The following UBE2U variants were observed in gnomAD, a reference collection of about 807,000 sequenced individuals.
UBE2U encodes ubiquitin-conjugating enzyme E2 U.
A neutral mutation model predicts 41.2 loss-of-function variants in UBE2U; 39 were observed. The ratio of observed to expected loss-of-function variants is 0.95; its 90% CI spans 0.73 to 1.24. The LOEUF (loss-of-function observed/expected upper bound fraction) is 1.24. Ranked by LOEUF, UBE2U falls within the 50% of genes most tolerant of loss-of-function variation. UBE2U has a pLI of 0.00. For missense variants in UBE2U, 336 were observed against 363.1 expected, an observed-to-expected ratio of 0.93 and a Z score of 0.61; for synonymous variants, 107 against 117.8, an observed-to-expected ratio of 0.91 and a Z score of 0.60.
chr1:64,206,780 G>T lies in UBE2U; in HGVS notation c.165G>T (p.Leu55=), dbSNP rs1484247749. 1 of 1,596,372 alleles carries T rather than the reference G, an allele frequency of 6.3e-7. No homozygotes were observed. The highest frequency in any genetic ancestry group is 2.2e-5 in the East Asian group (1 of 44,724). The change falls in exon 3 of 10, where the codon CTG becomes CTT. Residue 55 remains leucine, a synonymous_variant. Coordinates refer to ENST00000371077, the MANE Select transcript of UBE2U (RefSeq NM_001366232.2). ...ATATTATAGGTTTAGTCTTCCAACT[G>T]ACAATACATTTTACATCGGAGTACA... is the stretch of plus-strand genomic sequence containing the variant. ...NSVWQGLVFQ[L]TIHFTSEYNY...
rs865838259 is a variant in UBE2U at position 64,203,956 on chromosome 1, A to G, written c.-95A>G. On this transcript the variant is annotated 5_prime_UTR_variant, in exon 1 of 10. Transcript: ENST00000371077. Reference sequence around the variant, plus strand: ...GAAAGCAAGTAACTTATATCAGTTTACTAAGTGTGGGAAAGTGACCCATAA... The same window carrying G: ...GAAAGCAAGTAACTTATATCAGTTTGCTAAGTGTGGGAAAGTGACCCATAA... The G allele has an allele frequency of 9.4e-7, 1 of 1,067,830 alleles. No individual in the cohort carries two copies. Among genetic ancestry groups the G allele is most frequent in the Middle Eastern group, 2.1e-4 (1 of 4,760 alleles). The allele number at this position is 1,067,830 out of a possible 1,614,324, so 66.1% of individuals were successfully genotyped here. A position where few individuals can be genotyped will look rare whatever the true frequency, so the allele number is the denominator to read the frequency against.
At chr1:64,251,122 C>T (rs1645004504) in intron 8 of UBE2U, among the ~76,000 whole-genome samples, 1 of 150,804 alleles carries the variant, frequency 6.6e-6, no homozygotes, top group Non-Finnish European at 1.5e-5. Context: ...AAAAAGAAAA[C>T]TACAGATAAA....
intron 5 of UBE2U, among the ~76,000 whole-genome samples, chr1:64,216,315 T>C (rs924006080): frequency 2.6e-5 from 4 of 152,238 alleles, no homozygotes; most frequent in African/African-American, 9.6e-5. Flanking sequence ...TACCCTTCTC[T>C]GGCTTGGTGG....
chr1:64,240,896 A>G (rs12564589), intron 7 of UBE2U, among the ~76,000 whole-genome samples: 26,175 of 151,942 alleles, frequency 0.17, 2,618 homozygotes, highest in East Asian at 0.42. Flanking sequence ...CGCCTGGCTA[A>G]TTTTTGTATT....
At chr1:64,253,287 G>C (rs537760458) in intron 8 of UBE2U, among the ~76,000 whole-genome samples, 2 of 152,280 alleles carry the variant, frequency 1.3e-5, no homozygotes, top group South Asian at 4.2e-4. Flanking sequence ...ACCTACAACT[G>C]ATTGGGGTAA....
intron 6 of UBE2U, among the ~76,000 whole-genome samples, chr1:64,229,890 T>G (rs1644520634): frequency 6.6e-6 from 1 of 152,220 alleles, no homozygotes; most frequent in Non-Finnish European, 1.5e-5. Flanking sequence ...AATCTCTTAT[T>G]TCTAATCTCA....
At chr1:64,248,805 G>A (rs1450140591) in intron 8 of UBE2U, among the ~76,000 whole-genome samples, 1 of 151,956 alleles carries the variant, frequency 6.6e-6, no homozygotes, top group Non-Finnish European at 1.5e-5. Context: ...TTTGCCCTGA[G>A]GAAAATAAAA....
chr1:64,205,497 C>A (rs1353980858), intron 1 of UBE2U, 142 bp from the exon 2 acceptor site: 4 of 658,654 alleles, frequency 6.1e-6, no homozygotes, highest in Middle Eastern at 4.3e-4. Context: ...GTAACACTTC[C>A]CCAGAGCAGC....
Position 64,210,760 on chromosome 1 carries a change from A to G in UBE2U, c.260A>G (p.Gln87Arg). ...FHPNVDPHTG[Q>R]PCIDFLDNPE... ...AATACAGTAGACCCACACACTGGTC[A>G]GCCCTGTATAGACTTTTTGGACAAC... The change falls in exon 4 of 10, where the codon CAG (glutamine) becomes CGG (arginine). Residue 87 changes from glutamine (Q) to arginine (R), a missense_variant. Gln to Arg is a conservative substitution (Grantham distance 43, BLOSUM62 1). Transcript: ENST00000371077. 1 of 1,587,810 alleles carries G rather than the reference A, an allele frequency of 6.3e-7. No individual in the cohort carries two copies. The highest frequency in any genetic ancestry group is 8.6e-7 in the Non-Finnish European group (1 of 1,165,614).
intron 6 of UBE2U, among the ~76,000 whole-genome samples, chr1:64,228,262 C>T (rs893643279): frequency 3.9e-5 from 6 of 152,188 alleles, no homozygotes; most frequent in African/African-American, 1.4e-4. Context: ...CTGAACCCAT[C>T]AGGCTCTAAT....
chr1:64,238,202 T>C (rs1331379018), intron 7 of UBE2U, among the ~76,000 whole-genome samples: 3 of 151,990 alleles, frequency 2.0e-5, no homozygotes, highest in South Asian at 4.2e-4. Context: ...GCCAGGAGTT[T>C]GAGACCAGCC....
intron 8 of UBE2U, among the ~76,000 whole-genome samples, chr1:64,253,466 G>T (rs987745651): frequency 1.3e-5 from 2 of 152,120 alleles, no homozygotes; most frequent in African/African-American, 2.4e-5. Flanking sequence ...ATAATCATCA[G>T]ATTCTCCAAG....
chr1:64,210,498 CAAGGCCACATCTTGCTA>C (rs1417526236), intron 3 of UBE2U, among the ~76,000 whole-genome samples: 2 of 152,140 alleles, frequency 1.3e-5, no homozygotes, highest in Non-Finnish European at 2.9e-5. Flanking sequence ...AACTTAGTCA[CAAGGCCACATCTTGCTA>C]AAGGAGAGGA....
In UBE2U at chr1:64,204,128, G is replaced by A. The variant is rs754115020; in HGVS notation, c.66+12G>A. 2.4e-5 allele frequency: 39 copies of A among 1,608,814 alleles called. No homozygotes were observed. The highest frequency in any genetic ancestry group is 3.2e-5 in the Non-Finnish European group (38 of 1,176,804). On this transcript the variant is annotated intron_variant, in intron 1 of 9. Transcript: ENST00000371077. ...AGAACAATTATAAGGTAAGTACTGG[G>A]CACGTGGAGAGATGTGTTTCATTGT...
intron 1 of UBE2U, among the ~76,000 whole-genome samples, chr1:64,205,247 C>T (rs1002482237): frequency 3.3e-5 from 5 of 152,148 alleles, no homozygotes; most frequent in Admixed American, 6.5e-5. Flanking sequence ...CACTTCATGC[C>T]TTTCATATAG....
chr1:64,229,792 CTCTT>C, intron 6 of UBE2U, among the ~76,000 whole-genome samples: 1 of 152,266 alleles, frequency 6.6e-6, no homozygotes, highest in East Asian at 1.9e-4. Context: ...TTGGTTTCTG[CTCTT>C]TCTTTTCAAA....
At chr1:64,236,454 G>A (rs571752675) in intron 7 of UBE2U, among the ~76,000 whole-genome samples, 6 of 152,218 alleles carry the variant, frequency 3.9e-5, no homozygotes, top group South Asian at 2.1e-4. Context: ...ATAGGCAATC[G>A]TATGGAAAAT....
chr1:64,240,657 G>A (rs867841409), intron 7 of UBE2U, among the ~76,000 whole-genome samples: 2 of 152,176 alleles, frequency 1.3e-5, no homozygotes, highest in Non-Finnish European at 2.9e-5. Flanking sequence ...TCTACTTGAA[G>A]TGCTGAATTA....
At chr1:64,265,671 C>T (rs937759884) in intron 9 of UBE2U, among the ~76,000 whole-genome samples, 1 of 152,120 alleles carries the variant, frequency 6.6e-6, no homozygotes, top group African/African-American at 2.4e-5. Context: ...CTCTGCCTTC[C>T]GGGTTCAAGT....
Sources: allele counts gnomAD v4.1 joint callset (sites outside exome capture counted in the v4.1 genomes callset), GRCh38; gene constraint gnomAD v4.1.1; transcripts MANE v1.5; gene names NCBI Gene and HGNC (gene_info 2026-07-23, HGNC 2026-07-21).